TRABD2B: variants seen among roughly 807,000 people sequenced by gnomAD.
TRABD2B encodes metalloprotease TIKI2.
A neutral mutation model predicts 40.1 loss-of-function variants in TRABD2B; 14 were observed. That is an observed-to-expected ratio of 0.35 (90% CI 0.23 to 0.55). The LOEUF (loss-of-function observed/expected upper bound fraction) is 0.55, where lower values mean the gene tolerates loss of function less well. Ranked by LOEUF, TRABD2B falls within the 20% of genes least tolerant of loss-of-function variation. TRABD2B has a pLI of 0.90. For missense variants in TRABD2B, 541 were observed against 648.6 expected (o/e 0.83, Z 1.80); for synonymous variants, 263 against 277.0 (o/e 0.95, Z 0.50).
intron 2 of TRABD2B, among the ~76,000 whole-genome samples, chr1:47,866,633 C>T (rs1457773342): frequency 6.6e-6 from 1 of 152,146 alleles, no homozygotes; most frequent in Non-Finnish European, 1.5e-5. Context: ...TAGGAGAGTC[C>T]TGGAAAATTC....
chr1:47,992,427 CAG>C (rs1382573286), intron 2 of TRABD2B, among the ~76,000 whole-genome samples: 2 of 152,168 alleles, frequency 1.3e-5, no homozygotes, highest in Non-Finnish European at 2.9e-5. Context: ...GGATTAAAGA[CAG>C]GGGCTGCTTA....
Position 47,876,323 on chromosome 1 carries a change from T to C in TRABD2B, c.667-74704A>G, listed in dbSNP as rs562999187. Among the ~76,000 whole-genome samples the C allele has an allele frequency of 9.8e-5, 15 of 152,310 alleles. No homozygotes were observed. In the East Asian group the frequency reaches 1.5e-3, roughly 16 times the overall value. ...AACATAGAACAGTGTGATGTCGTCA[T>C]TGCCCTGACTTGAGAGAACAAAGCA... On this transcript the variant is annotated intron_variant, in intron 2 of 6. Transcript: ENST00000606738.
chr1:47,884,651 T>A (rs980414920), intron 2 of TRABD2B, among the ~76,000 whole-genome samples: 2 of 152,278 alleles, frequency 1.3e-5, no homozygotes, highest in Admixed American at 1.3e-4. Flanking sequence ...TCTCGCTCTG[T>A]CGCCCAGGCT....
chr1:47,870,927 G>C (rs1644132042), intron 2 of TRABD2B, among the ~76,000 whole-genome samples: 1 of 152,200 alleles, frequency 6.6e-6, no homozygotes, highest in African/African-American at 2.4e-5. Context: ...GAAGAATGTG[G>C]AGGCACTGAA....
intron 2 of TRABD2B, among the ~76,000 whole-genome samples, chr1:47,938,788 G>A (rs376986069): frequency 5.9e-5 from 9 of 152,262 alleles, no homozygotes; most frequent in East Asian, 3.9e-4. Context: ...GCACACAGCC[G>A]GAGAGAAGGT....
At chr1:47,987,163 G>A (rs1444891609) in intron 2 of TRABD2B, among the ~76,000 whole-genome samples, 1 of 152,114 alleles carries the variant, frequency 6.6e-6, no homozygotes, top group Non-Finnish European at 1.5e-5. Context: ...TTGCCGGTCA[G>A]GTTTTCTCTG....
intron 4 of TRABD2B, among the ~76,000 whole-genome samples, chr1:47,780,987 C>T (rs1569911464): frequency 6.6e-6 from 1 of 152,242 alleles, no homozygotes; most frequent in African/African-American, 2.4e-5. Flanking sequence ...CTTGGGGCAA[C>T]TGTAAAGCCC....
chr1:47,835,615 T>C (rs1416861882), intron 2 of TRABD2B, among the ~76,000 whole-genome samples: 1 of 152,162 alleles, frequency 6.6e-6, no homozygotes, highest in Non-Finnish European at 1.5e-5. Flanking sequence ...AGGTGATATA[T>C]TAAAAAGTGC....
chr1:47,947,742 G>C lies in TRABD2B; in HGVS notation c.666+46292C>G, dbSNP rs55826026. Reference sequence around the variant, plus strand: ...CATGACGCTGATGCTGAGCAGAGCTGACATGCACTAACACAGGAATAGCTC... The same window carrying C: ...CATGACGCTGATGCTGAGCAGAGCTCACATGCACTAACACAGGAATAGCTC... On this transcript the variant is annotated intron_variant, in intron 2 of 6. Coordinates refer to ENST00000606738, the MANE Select transcript of TRABD2B (RefSeq NM_001194986.2). 5.3e-3 allele frequency among the ~76,000 whole-genome samples: 812 copies of C among 152,324 alleles called. 2 individuals carry two copies. The highest frequency in any genetic ancestry group is 0.019 in the African/African-American group (780 of 41,572).
At chr1:47,825,905 T>C (rs1645167976) in intron 2 of TRABD2B, among the ~76,000 whole-genome samples, 1 of 152,230 alleles carries the variant, frequency 6.6e-6, no homozygotes. Flanking sequence ...TGTGTGGAAC[T>C]GGGCAAGTCA....
chr1:47,959,892 G>C (rs1422693180), intron 2 of TRABD2B, among the ~76,000 whole-genome samples: 1 of 152,036 alleles, frequency 6.6e-6, no homozygotes, highest in Non-Finnish European at 1.5e-5. Flanking sequence ...CCAAAGCCTG[G>C]CAGAGACACA....
intron 2 of TRABD2B, among the ~76,000 whole-genome samples, chr1:47,804,962 G>A (rs1186111213): frequency 6.6e-6 from 1 of 152,232 alleles, no homozygotes; most frequent in African/African-American, 2.4e-5. Context: ...TCTCCCTGCA[G>A]CAGGGACTTC....
intron 2 of TRABD2B, among the ~76,000 whole-genome samples, chr1:47,899,499 C>G (rs576364650): frequency 1.6e-4 from 25 of 152,324 alleles, no homozygotes; most frequent in African/African-American, 5.8e-4. Context: ...ACAATGCCAC[C>G]TCTAGAAAAC....
chr1:47,923,412 G>A lies in TRABD2B; in HGVS notation c.666+70622C>T, dbSNP rs561063162. Among the ~76,000 whole-genome samples the A allele has an allele frequency of 2.6e-5, 4 of 152,302 alleles. No individual in the cohort carries two copies. The South Asian group carries it at 8.3e-4, about 32-fold the overall frequency. On this transcript the variant is annotated intron_variant, in intron 2 of 6. Coordinates refer to ENST00000606738, the MANE Select transcript of TRABD2B (RefSeq NM_001194986.2). ...TAACTGTGCCTGGCATAAAGTCAAG[G>A]TTCCATGCAGCCAATTTACAGGATG...
intron 2 of TRABD2B, among the ~76,000 whole-genome samples, chr1:47,815,502 G>A (rs951571877): frequency 6.6e-6 from 1 of 152,148 alleles, no homozygotes; most frequent in African/African-American, 2.4e-5. Context: ...ATTCCAGCAT[G>A]GACCTGCCAC....
At chr1:47,973,935 C>T (rs1190666045) in intron 2 of TRABD2B, among the ~76,000 whole-genome samples, 1 of 152,122 alleles carries the variant, frequency 6.6e-6, no homozygotes, top group Non-Finnish European at 1.5e-5. Flanking sequence ...GAGATCCCAT[C>T]ACTACAAAAA....
At chr1:47,795,040 GGATTATA>G (rs1204843193) in intron 3 of TRABD2B, among the ~76,000 whole-genome samples, 1 of 152,192 alleles carries the variant, frequency 6.6e-6, no homozygotes, top group African/African-American at 2.4e-5. Context: ...CAAAGTGCTA[GGATTATA>G]GGCATGAGCC....
intron 2 of TRABD2B, among the ~76,000 whole-genome samples, chr1:47,874,220 C>A (rs1283491153): frequency 6.6e-6 from 1 of 151,218 alleles, no homozygotes; most frequent in Non-Finnish European, 1.5e-5. Flanking sequence ...TCCCTAACTC[C>A]CAGACTATTT....
At chr1:47,863,395 A>ATATATATATATATATATATATATATATAC (rs1553159688) in intron 2 of TRABD2B, among the ~76,000 whole-genome samples, 1 of 31,992 alleles carries the variant, frequency 3.1e-5, no homozygotes, top group East Asian at 1.5e-3. Context: ...TATATATATA[A>ATATATATATATATATATATATATATATAC]TCTCTTAAAA....
Sources: allele counts gnomAD v4.1 joint callset (sites outside exome capture counted in the v4.1 genomes callset), GRCh38; gene constraint gnomAD v4.1.1; transcripts MANE v1.5; gene names NCBI Gene and HGNC (gene_info 2026-07-23, HGNC 2026-07-21).